The following PAPPA variants were observed in gnomAD, a reference collection of about 807,000 sequenced individuals.
PAPPA encodes the protein pappalysin 1.
PAPPA carries 60 observed loss-of-function variants against 164.0 expected under a neutral mutation model. The ratio of observed to expected loss-of-function variants is 0.37; its 90% CI spans 0.30 to 0.45. The LOEUF is 0.45. Ranked by LOEUF, PAPPA falls within the 20% of genes least tolerant of loss-of-function variation. PAPPA has a pLI of 1.00. For missense variants in PAPPA, 1,782 were observed against 2,087.3 expected, an observed-to-expected ratio of 0.85 and a Z score of 2.85; for synonymous variants, 875 against 814.1, an observed-to-expected ratio of 1.07 and a Z score of -1.27.
intron 10 of PAPPA, among the ~76,000 whole-genome samples, chr9:116,327,499 C>G (rs148776576): frequency 1.3e-5 from 2 of 152,038 alleles, no homozygotes; most frequent in Admixed American, 1.3e-4. Context: ...CGTGATATAA[C>G]TCTCCTGCAT....
At chr9:116,340,140 C>T (rs1018703587) in intron 13 of PAPPA, among the ~76,000 whole-genome samples, 2 of 152,122 alleles carry the variant, frequency 1.3e-5, no homozygotes, top group African/African-American at 4.8e-5. Flanking sequence ...TTTTTTCCTT[C>T]TTTTGTTATT....
At chr9:116,184,020 A>T (rs772270927) in intron 1 of PAPPA, among the ~76,000 whole-genome samples, 15 of 152,212 alleles carry the variant, frequency 9.9e-5, no homozygotes, top group Non-Finnish European at 1.9e-4. Flanking sequence ...ACCTGCAGAG[A>T]GAGAGAGACA....
chr9:116,238,738 G>C (rs1844702224), intron 7 of PAPPA, among the ~76,000 whole-genome samples: 1 of 152,132 alleles, frequency 6.6e-6, no homozygotes, highest in Non-Finnish European at 1.5e-5. Flanking sequence ...AATCTTTTGT[G>C]TTTCAAGGAG....
At chr9:116,216,449 A>T (rs894826530) in intron 4 of PAPPA, among the ~76,000 whole-genome samples, 2 of 152,132 alleles carry the variant, frequency 1.3e-5, no homozygotes, top group African/African-American at 4.8e-5. Context: ...CAGCATGGGG[A>T]CTGGCATAGG....
At chr9:116,249,012 G>A (rs1023844235) in intron 7 of PAPPA, among the ~76,000 whole-genome samples, 2 of 152,178 alleles carry the variant, frequency 1.3e-5, no homozygotes, top group African/African-American at 2.4e-5. Flanking sequence ...AAGGCATTGG[G>A]CCAGAAGGTG....
chr9:116,307,327 C>T lies in PAPPA; in HGVS notation c.3147+4377C>T, dbSNP rs564261989. Among the ~76,000 whole-genome samples, 8 of 152,270 alleles carry T rather than the reference C, an allele frequency of 5.3e-5. No homozygotes were observed. The South Asian group carries it at 1.0e-3, about 20-fold the overall frequency. ...ACTAGAATACAAACCAGGCCGGGCA[C>T]GGTGGCTCACGCTTGTAATTCCAGC... On this transcript the variant is annotated intron_variant, in intron 10 of 21. Transcript: ENST00000328252.
chr9:116,255,784 G>A (rs888390567), intron 7 of PAPPA, among the ~76,000 whole-genome samples: 1 of 151,920 alleles, frequency 6.6e-6, no homozygotes, highest in East Asian at 2.0e-4. Context: ...AAATCTACAT[G>A]TTTGGTGAAA....
intron 15 of PAPPA, among the ~76,000 whole-genome samples, chr9:116,352,260 G>T (rs1053203939): frequency 6.6e-6 from 1 of 152,212 alleles, no homozygotes; most frequent in Admixed American, 6.5e-5. Context: ...CTGGGCCCAG[G>T]GGGAGAGTGG....
rs919073786 is a variant in PAPPA, at chr9:116,399,361, T to TATC, written c.*2746_*2748dup. 6.6e-6 allele frequency: 1 copy of TATC among 152,608 alleles called. No individual in the cohort carries two copies. Among genetic ancestry groups the TATC allele is most frequent in the African/African-American group, 2.4e-5 (1 of 41,448 alleles). The allele number at this position is 152,608 out of a possible 1,614,324, so 9.5% of individuals were successfully genotyped here. On this transcript the variant is annotated 3_prime_UTR_variant, in exon 22 of 22. Coordinates refer to ENST00000328252, the MANE Select transcript of PAPPA (RefSeq NM_002581.5). ...GCCAACCTCGTGCCCACATGGAAGG[T>TATC]ATCTTTAATAGGGTCTTTTCAAACC...
At chr9:116,276,185 G>T (rs1359779090) in intron 9 of PAPPA, among the ~76,000 whole-genome samples, 1 of 152,208 alleles carries the variant, frequency 6.6e-6, no homozygotes, top group Non-Finnish European at 1.5e-5. Flanking sequence ...TGTCTCTAAA[G>T]CATTGAGTCA....
rs146991709 is a variant in PAPPA at position 116,255,104 on chromosome 9, T to C, written c.2733-10753T>C. 5.0e-3 allele frequency among the ~76,000 whole-genome samples: 762 copies of C among 152,084 alleles called. 7 individuals carry two copies. Among genetic ancestry groups the C allele is most frequent in the Non-Finnish European group, 3.9e-3 (267 of 68,018 alleles). ...TAATATACTCTGAGTTTCACCTTCC[T>C]AAAATACTTTAGAACCATAAAGGGA... On this transcript the variant is annotated intron_variant, in intron 7 of 21. Transcript: ENST00000328252.
chr9:116,199,909 A>C (rs1844152209), intron 2 of PAPPA, among the ~76,000 whole-genome samples: 1 of 151,842 alleles, frequency 6.6e-6, no homozygotes, highest in African/African-American at 2.4e-5. Flanking sequence ...GAGACGATAG[A>C]GTCTTTTTAA....
chr9:116,222,091 C>A (rs571418332), intron 5 of PAPPA, among the ~76,000 whole-genome samples: 1 of 152,192 alleles, frequency 6.6e-6, no homozygotes, highest in East Asian at 1.9e-4. Context: ...AATAGAACTG[C>A]CATATAATCC....
chr9:116,315,809 A>G (rs1158753112), intron 10 of PAPPA, among the ~76,000 whole-genome samples: 4 of 152,186 alleles, frequency 2.6e-5, no homozygotes, highest in Non-Finnish European at 5.9e-5. Context: ...AAAAGGAAGG[A>G]CTACACAATA....
At position 116,352,807 on chromosome 9, in the gene PAPPA, G is replaced by T; in HGVS notation, c.4066G>T (p.Asp1356Tyr). ...CLAPPPVPNADLQTARCRENK... is the reference protein window; with the variant it reads ...CLAPPPVPNAYLQTARCRENK... ...CGCTCCACCCCCTGTGCCCAATGCAGACCTCCAGACCGCCCGGTGCCGAGA... is the reference window on the plus strand; with the variant it reads ...CGCTCCACCCCCTGTGCCCAATGCATACCTCCAGACCGCCCGGTGCCGAGA... Residue 1356 changes from aspartate to tyrosine, a missense_variant, in exon 16 of 22, where the codon GAC (aspartate) becomes TAC (tyrosine). By Grantham distance (160) the Asp-to-Tyr change is radical. Transcript: ENST00000328252. 1 of 1,613,968 alleles carries T rather than the reference G, an allele frequency of 6.2e-7. No individual in the cohort carries two copies. The highest frequency in any genetic ancestry group is 8.5e-7 in the Non-Finnish European group (1 of 1,179,942).
intron 9 of PAPPA, among the ~76,000 whole-genome samples, chr9:116,288,153 G>A (rs908615573): frequency 2.6e-5 from 4 of 152,056 alleles, no homozygotes; most frequent in Non-Finnish European, 5.9e-5. Flanking sequence ...GGCGGATCAC[G>A]AGGTCAGGAG....
At chr9:116,215,192 A>C (rs1483088659) in intron 4 of PAPPA, among the ~76,000 whole-genome samples, 1 of 152,148 alleles carries the variant, frequency 6.6e-6, no homozygotes, top group Non-Finnish European at 1.5e-5. Flanking sequence ...GAGGAGACCC[A>C]AGTTGAATGT....
intron 5 of PAPPA, among the ~76,000 whole-genome samples, chr9:116,224,351 C>T (rs528340262): frequency 2.6e-5 from 4 of 152,200 alleles, no homozygotes; most frequent in Non-Finnish European, 5.9e-5. Flanking sequence ...GGACTGAAAA[C>T]CAAGAAACCT....
intron 1 of PAPPA, among the ~76,000 whole-genome samples, chr9:116,158,935 G>T (rs931184195): frequency 6.6e-6 from 1 of 152,218 alleles, no homozygotes; most frequent in Admixed American, 6.5e-5. Flanking sequence ...TCTGTCAGCA[G>T]TCTTTTTGGA....
Sources: allele counts gnomAD v4.1 joint callset (sites outside exome capture counted in the v4.1 genomes callset), GRCh38; gene constraint gnomAD v4.1.1; transcripts MANE v1.5; gene names NCBI Gene and HGNC (gene_info 2026-07-23, HGNC 2026-07-21).